Variants in JARID2 observed in about 807,000 individuals in gnomAD.
JARID2 encodes protein Jumonji.
Under a neutral mutation model 125.6 loss-of-function variants are expected in JARID2, and 21 were observed. The ratio of observed to expected loss-of-function variants is 0.17; its 90% CI spans 0.12 to 0.24. The LOEUF (loss-of-function observed/expected upper bound fraction) is 0.24. Ranked by LOEUF, JARID2 falls within the 10% of genes least tolerant of loss-of-function variation. JARID2 has a pLI of 1.00. For synonymous variants in JARID2, 736 were observed against 661.6 expected (o/e 1.11, Z -1.73); for missense variants, 1,303 against 1,639.6 (o/e 0.79, Z 3.55).
intron 2 of JARID2, among the ~76,000 whole-genome samples, chr6:15,374,889 T>G (rs1451264549): frequency 2.0e-5 from 3 of 152,260 alleles, no homozygotes; most frequent in Admixed American, 6.5e-5. Flanking sequence ...TGTAGTTTAC[T>G]ATTTTATTTC....
chr6:15,417,980 G>A (rs1012966146), intron 3 of JARID2, among the ~76,000 whole-genome samples: 6 of 152,138 alleles, frequency 3.9e-5, no homozygotes, highest in African/African-American at 1.4e-4. Flanking sequence ...AGATGGAAAT[G>A]TATGGGTACT....
chr6:15,262,034 C>T (rs1045094317), intron 1 of JARID2, among the ~76,000 whole-genome samples: 1 of 152,056 alleles, frequency 6.6e-6, no homozygotes, highest in Non-Finnish European at 1.5e-5. Context: ...CCTGCCTCAA[C>T]CTCCGAAAGT....
At chr6:15,518,273 A>G (rs961430708) in intron 17 of JARID2, among the ~76,000 whole-genome samples, 3 of 152,156 alleles carry the variant, frequency 2.0e-5, no homozygotes, top group Admixed American at 6.5e-5. Flanking sequence ...GCGCTCTGTG[A>G]ATCATGGGTT....
At chr6:15,390,359 G>A (rs1764952507) in intron 2 of JARID2, among the ~76,000 whole-genome samples, 1 of 152,074 alleles carries the variant, frequency 6.6e-6, no homozygotes, top group Non-Finnish European at 1.5e-5. Context: ...TTCTCTATCC[G>A]TTCATCGCCG....
chr6:15,471,900 A>C (rs1311146431), intron 5 of JARID2, among the ~76,000 whole-genome samples: 1 of 152,206 alleles, frequency 6.6e-6, no homozygotes, highest in Non-Finnish European at 1.5e-5. Flanking sequence ...AAGTGTAACT[A>C]TCTATAGATA....
intron 17 of JARID2, among the ~76,000 whole-genome samples, chr6:15,518,955 C>G (rs969466608): frequency 1.3e-5 from 2 of 152,162 alleles, no homozygotes; most frequent in African/African-American, 4.8e-5. Context: ...ATTGCAAATC[C>G]CTGAATTCAT....
chr6:15,302,417 GAA>G (rs149565432), intron 1 of JARID2, among the ~76,000 whole-genome samples: 1 of 147,990 alleles, frequency 6.8e-6, no homozygotes, highest in Non-Finnish European at 1.5e-5. Context: ...TCTGTCTTGG[GAA>G]AAAAAAAAGA....
At chr6:15,298,139 A>G in intron 1 of JARID2, among the ~76,000 whole-genome samples, 1 of 152,226 alleles carries the variant, frequency 6.6e-6, no homozygotes, top group East Asian at 1.9e-4. Context: ...AAATGGTGTA[A>G]TCAGAATGCA....
intron 1 of JARID2, among the ~76,000 whole-genome samples, chr6:15,255,136 T>A (rs1759611692): frequency 1.3e-5 from 2 of 148,212 alleles, no homozygotes; most frequent in Admixed American, 1.4e-4. Flanking sequence ...AAACTAGGAA[T>A]TCTTTTTTTT....
intron 1 of JARID2, among the ~76,000 whole-genome samples, chr6:15,331,699 C>G (rs1016212219): frequency 2.0e-4 from 31 of 151,948 alleles, no homozygotes; most frequent in African/African-American, 7.5e-4. Context: ...AACCCCGACT[C>G]TACAAAAATT....
intron 2 of JARID2, among the ~76,000 whole-genome samples, chr6:15,394,495 A>AGGTTGAGGTGGGAGGATT (rs1205575607): frequency 1.3e-5 from 2 of 152,042 alleles, no homozygotes; most frequent in African/African-American, 4.8e-5. Flanking sequence ...GCTACTTGGG[A>AGGTTGAGGTGGGAGGATT]GGTTGAGGTG....
rs752526152 is a variant in JARID2, at chr6:15,507,094, G to C, written c.2542-42G>C. ...GGTTGAACTGTGCTCTGTGGCTGCAGCACCTTAGGGGTGCTGACCAGCCCT... is the reference window on the plus strand; with the variant it reads ...GGTTGAACTGTGCTCTGTGGCTGCACCACCTTAGGGGTGCTGACCAGCCCT... On this transcript the variant is annotated intron_variant, in intron 9 of 17. Coordinates refer to ENST00000341776, the MANE Select transcript of JARID2 (RefSeq NM_004973.4). 29 of 1,292,090 alleles carry C rather than the reference G, an allele frequency of 2.2e-5. No homozygotes were observed. The South Asian group carries it at 3.0e-4, about 13-fold the overall frequency. The allele number at this position is 1,292,090 out of a possible 1,614,324, so 80.0% of individuals were successfully genotyped here. A position where few individuals can be genotyped will look rare whatever the true frequency, so the allele number is the denominator to read the frequency against.
At chr6:15,373,175 A>G (rs4715974) in intron 1 of JARID2, among the ~76,000 whole-genome samples, 75,934 of 152,026 alleles carry the variant, frequency 0.5, 19,129 homozygotes, top group Middle Eastern at 0.59. Context: ...AATCTTGCTG[A>G]TTCTTTAAAC....
chr6:15,357,158 C>G (rs1340267684), intron 1 of JARID2, among the ~76,000 whole-genome samples: 1 of 152,204 alleles, frequency 6.6e-6, no homozygotes, highest in Admixed American at 6.5e-5. Flanking sequence ...CTGCTGCAGC[C>G]AGATGTCCTT....
chr6:15,273,139 G>A (rs768308459), intron 1 of JARID2, among the ~76,000 whole-genome samples: 60 of 152,086 alleles, frequency 3.9e-4, no homozygotes, highest in Non-Finnish European at 7.9e-4. Context: ...CCTCATGTGG[G>A]TGGGGAGGAT....
At chr6:15,473,530 C>G (rs1329958001) in intron 5 of JARID2, among the ~76,000 whole-genome samples, 7 of 81,956 alleles carry the variant, frequency 8.5e-5, no homozygotes, top group South Asian at 5.0e-4. Context: ...CCCCCCCCCC[C>G]GCTTTGTGTC....
chr6:15,463,774 C>T (rs188047037), intron 4 of JARID2, among the ~76,000 whole-genome samples: 299 of 152,156 alleles, frequency 2.0e-3, no homozygotes, highest in South Asian at 5.2e-3. Context: ...AAGTTTCTAC[C>T]GACTCAGCAC....
chr6:15,295,902 CCA>C (rs1761394847), intron 1 of JARID2, among the ~76,000 whole-genome samples: 1 of 152,170 alleles, frequency 6.6e-6, no homozygotes, highest in African/African-American at 2.4e-5. Context: ...ACCTCATGAT[CCA>C]CCCTCCTTGG....
At chr6:15,500,167 C>T (rs1288119789) in intron 7 of JARID2, among the ~76,000 whole-genome samples, 4 of 152,102 alleles carry the variant, frequency 2.6e-5, no homozygotes, top group African/African-American at 9.7e-5. Context: ...AAAACCTGCC[C>T]AGGTTTGATG....
Sources: gnomAD v4.1 joint callset for allele counts (sites outside exome capture counted in the v4.1 genomes callset) on GRCh38, gnomAD v4.1.1 for gene constraint, MANE v1.5 for transcripts, NCBI Gene and HGNC (gene_info 2026-07-23, HGNC 2026-07-21) for gene names.